The following POLE4 variants were observed in gnomAD, a reference collection of about 807,000 sequenced individuals.
POLE4 encodes the protein DNA polymerase epsilon subunit 4.
POLE4 carries 15 observed loss-of-function variants against 15.6 expected under a neutral mutation model. The ratio of observed to expected loss-of-function variants is 0.96; its 90% confidence interval spans 0.64 to 1.48. POLE4 has a LOEUF of 1.48. Among genes scored for constraint, POLE4 ranks in the 40% most tolerant of loss-of-function variants. POLE4 has a pLI of 0.00. For missense variants in POLE4, 205 were observed against 151.9 expected, an observed-to-expected ratio of 1.35 and a Z score of -1.84; for synonymous variants, 83 against 63.2, an observed-to-expected ratio of 1.31 and a Z score of -1.49.
At chr2:74,960,474 C>A in intron 3 of POLE4, 2 of 465,844 alleles carry the variant, frequency 4.3e-6, no homozygotes, top group Non-Finnish European at 8.2e-6. Flanking sequence ...CATCATGTTA[C>A]AGATCAGAAA....
chr2:74,961,161 T>G (rs1671215606), intron 3 of POLE4: 1 of 152,422 alleles, frequency 6.6e-6, no homozygotes, highest in African/African-American at 2.4e-5. Flanking sequence ...CCATGTATCC[T>G]TATTCTCCCA....
chr2:74,967,611 G>A (rs977732154), intron 3 of POLE4, among the ~76,000 whole-genome samples: 5 of 152,116 alleles, frequency 3.3e-5, no homozygotes, highest in Admixed American at 1.3e-4. Flanking sequence ...AACATCCATA[G>A]TCTCTTGAGA....
chr2:74,959,195 A>C lies in POLE4; in HGVS notation c.214-146A>C. 3 of 627,594 alleles carry C rather than the reference A, an allele frequency of 4.8e-6. No individual in the cohort carries two copies. The South Asian group carries it at 5.9e-5, about 12-fold the overall frequency. 38.9% of individuals were successfully genotyped at this position (627,594 alleles called of 1,614,324 possible). On this transcript the variant is annotated intron_variant, in intron 1 of 3. Coordinates refer to ENST00000483063, the MANE Select transcript of POLE4 (RefSeq NM_019896.4). ...GAAGAGGGTAGCGGAATGGATCTTC[A>C]TGAAGTCCAGGACAATCTTAGCTTC...
chr2:74,959,872 C>T (rs1671190712), intron 2 of POLE4: 5 of 519,654 alleles, frequency 9.6e-6, no homozygotes, highest in Non-Finnish European at 1.7e-5. Flanking sequence ...AGGCCCCCAA[C>T]CCCCGCGTTG....
In POLE4 at chr2:74,958,710, A is replaced by T. The variant is rs1263344231; in HGVS notation, c.31A>T (p.Thr11Ser). The T allele has an allele frequency of 2.9e-5, 43 of 1,480,876 alleles. No individual in the cohort carries two copies. The highest frequency in any genetic ancestry group is 3.7e-5 in the Non-Finnish European group (41 of 1,120,230). The allele number at this position is 1,480,876 out of a possible 1,614,324, so 91.7% of individuals were successfully genotyped here. Residue 11 changes from threonine to serine, a missense_variant, in exon 1 of 4, where the codon ACG becomes TCG. Physicochemically the swap from Thr to Ser is moderately conservative, Grantham distance 58. Transcript: ENST00000483063. The part of the protein sequence containing the change: MAAAAAAGSG[T>S]PREEEGPAGE... ...GGCGGCGGCGGCGGCAGGAAGCGGGACGCCCCGAGAGGAGGAGGGACCTGC... is the reference window on the plus strand; with the variant it reads ...GGCGGCGGCGGCGGCAGGAAGCGGGTCGCCCCGAGAGGAGGAGGGACCTGC...
intron 3 of POLE4, chr2:74,961,121 A>G (rs1329693462): frequency 1.3e-5 from 2 of 152,664 alleles, no homozygotes; most frequent in Non-Finnish European, 2.9e-5. Flanking sequence ...TGAGCGACAC[A>G]TGTATTTTGA....
Position 74,958,772 on chromosome 2 carries a change from G to A in POLE4, c.93G>A (p.Thr31=). 1.3e-6 allele frequency: 2 copies of A among 1,546,704 alleles called. No individual in the cohort carries two copies. Among genetic ancestry groups the A allele is most frequent in the Middle Eastern group, 1.7e-4 (1 of 5,982 alleles). The change falls in exon 1 of 4, where the codon ACG becomes ACA. Residue 31 remains threonine, a synonymous_variant. Coordinates refer to ENST00000483063, the MANE Select transcript of POLE4 (RefSeq NM_019896.4). ...EAAASQPQAP[T]SVPGARLSRL... is the part of the protein sequence containing the mutation. ...CGGCCTCGCAGCCCCAGGCCCCAAC[G>A]AGTGTGCCTGGGGCTCGTCTCTCGA...
At chr2:74,969,050 T>G (rs1003389142) in intron 3 of POLE4, among the ~76,000 whole-genome samples, 4 of 152,218 alleles carry the variant, frequency 2.6e-5, no homozygotes, top group African/African-American at 9.6e-5. Context: ...CATCTGGAAC[T>G]GAAACTTTCT....
At chr2:74,969,388 C>A in intron 3 of POLE4, 21 bp from the exon 4 acceptor site, 1 of 1,612,900 alleles carries the variant, frequency 6.2e-7, no homozygotes, top group South Asian at 1.1e-5. Context: ...CTGATATACT[C>A]ATTGCTCTTT....
chr2:74,968,591 C>T (rs1041173928), intron 3 of POLE4, among the ~76,000 whole-genome samples: 5 of 149,762 alleles, frequency 3.3e-5, no homozygotes, highest in African/African-American at 4.9e-5. Context: ...CCATATAGTT[C>T]ATTTGGTTCT....
intron 3 of POLE4, among the ~76,000 whole-genome samples, chr2:74,967,513 A>G (rs1042266898): frequency 6.6e-6 from 1 of 152,104 alleles, no homozygotes; most frequent in African/African-American, 2.4e-5. Flanking sequence ...TAGTAAACAC[A>G]GTTGTTTTAT....
At chr2:74,966,077 T>C (rs1465157807) in intron 3 of POLE4, among the ~76,000 whole-genome samples, 1 of 152,024 alleles carries the variant, frequency 6.6e-6, no homozygotes, top group Non-Finnish European at 1.5e-5. Context: ...TTTTTGGCCT[T>C]CTTTTGGATT....
chr2:74,968,937 C>G (rs1671328502), intron 3 of POLE4, among the ~76,000 whole-genome samples: 1 of 152,014 alleles, frequency 6.6e-6, no homozygotes, highest in African/African-American at 2.4e-5. Flanking sequence ...CCATTAACTG[C>G]CAGTGGGCCC....
At chr2:74,964,554 A>C (rs1013606288) in intron 3 of POLE4, among the ~76,000 whole-genome samples, 1 of 152,118 alleles carries the variant, frequency 6.6e-6, no homozygotes, top group African/African-American at 2.4e-5. Flanking sequence ...GTAAGTACTT[A>C]ATATTTTTGA....
intron 3 of POLE4, chr2:74,961,248 T>C (rs1671217178): frequency 6.6e-6 from 1 of 152,268 alleles, no homozygotes; most frequent in Non-Finnish European, 1.5e-5. Flanking sequence ...TTTACTCCTT[T>C]GTTCTGCATC....
intron 3 of POLE4, among the ~76,000 whole-genome samples, chr2:74,965,597 A>G (rs1671283980): frequency 6.6e-6 from 1 of 152,220 alleles, no homozygotes; most frequent in African/African-American, 2.4e-5. Context: ...GTTATGTGTT[A>G]AAACTCTACT....
intron 1 of POLE4, 135 bp from the exon 2 acceptor site, chr2:74,959,206 G>C: frequency 1.6e-6 from 1 of 640,218 alleles, no homozygotes; most frequent in Non-Finnish European, 2.8e-6. Flanking sequence ...TGAAGTCCAG[G>C]ACAATCTTAG....
At chr2:74,961,992 G>A (rs968022385) in intron 3 of POLE4, among the ~76,000 whole-genome samples, 19 of 152,098 alleles carry the variant, frequency 1.2e-4, no homozygotes. Flanking sequence ...AAGTACAGCT[G>A]CCGTCCACCC....
At chr2:74,968,152 C>T (rs997195213) in intron 3 of POLE4, among the ~76,000 whole-genome samples, 4 of 152,166 alleles carry the variant, frequency 2.6e-5, no homozygotes, top group African/African-American at 9.7e-5. Context: ...TTCTTGATGT[C>T]TCTTCAATTC....
Sources: allele counts gnomAD v4.1 joint callset (sites outside exome capture counted in the v4.1 genomes callset), GRCh38; gene constraint gnomAD v4.1.1; transcripts MANE v1.5; gene names NCBI Gene and HGNC (gene_info 2026-07-23, HGNC 2026-07-21).